ST6GALNAC2: variants seen among roughly 807,000 people sequenced by gnomAD.
ST6GALNAC2 encodes ST6 N-acetylgalactosaminide alpha-2,6-sialyltransferase 2.
In ST6GALNAC2, 42 loss-of-function variants were observed where a neutral mutation model predicts 38.7. The ratio of observed to expected loss-of-function variants is 1.09; its 90% CI spans 0.85 to 1.40. The LOEUF is 1.40. Ranked by LOEUF, ST6GALNAC2 falls within the 40% of genes most tolerant of loss-of-function variation. The probability of loss-of-function intolerance (pLI) is 0.00; values close to 1 mark genes in which losing one functional copy is unlikely to be tolerated. For missense variants in ST6GALNAC2, 506 were observed against 481.7 expected (o/e 1.05, Z -0.47); for synonymous variants, 233 against 209.0 (o/e 1.11, Z -0.99).
intron 7 of ST6GALNAC2, 55 bp downstream of exon 7, chr17:76,568,658 G>A (rs1353661600): frequency 8.3e-6 from 13 of 1,560,070 alleles, no homozygotes; most frequent in Non-Finnish European, 1.1e-5. Context: ...ATGTGGGTGG[G>A]TGTGTAAAAG....
intron 7 of ST6GALNAC2, 81 bp downstream of exon 7, chr17:76,568,632 C>G: frequency 7.1e-7 from 1 of 1,405,486 alleles, no homozygotes; most frequent in Non-Finnish European, 1.0e-6. Flanking sequence ...GGGGCTCGTG[C>G]GAGGGCGCTG....
intron 8 of ST6GALNAC2, among the ~76,000 whole-genome samples, chr17:76,566,511 A>G (rs1359916382): frequency 6.6e-6 from 1 of 152,096 alleles, no homozygotes; most frequent in Non-Finnish European, 1.5e-5. Flanking sequence ...GCAAAAGCCC[A>G]TTACTACTCT....
intron 2 of ST6GALNAC2, among the ~76,000 whole-genome samples, chr17:76,578,142 A>G (rs1567932993): frequency 6.6e-6 from 1 of 152,088 alleles, no homozygotes; most frequent in Admixed American, 6.5e-5. Context: ...GTATCGCGCA[A>G]TGGTTCTGAG....
At position 76,570,670 on chromosome 17, in the gene ST6GALNAC2, T is replaced by G; in HGVS notation, c.670-2A>C. On this transcript the variant is annotated splice_acceptor_variant, in intron 5 of 8. Coordinates refer to ENST00000225276, the MANE Select transcript of ST6GALNAC2 (RefSeq NM_006456.3). LOFTEE classifies it high-confidence loss of function. ...GGGGATGAAGATATACTGCAGGTCC[T>G]GTCAGAATAGAGACAATGAGCCCAG... 6.2e-7 allele frequency: 1 copy of G among 1,607,168 alleles called. No individual in the cohort carries two copies. Among genetic ancestry groups the G allele is most frequent in the South Asian group, 1.1e-5 (1 of 90,194 alleles).
intron 1 of ST6GALNAC2, among the ~76,000 whole-genome samples, chr17:76,582,645 G>T (rs527487906): frequency 6.6e-6 from 1 of 152,184 alleles, no homozygotes; most frequent in African/African-American, 2.4e-5. Context: ...ATGAGGAAAT[G>T]CCCAGACTGG....
chr17:76,582,600 T>C (rs11077835), intron 1 of ST6GALNAC2, among the ~76,000 whole-genome samples: 114,564 of 152,178 alleles, frequency 0.75, 43,438 homozygotes, highest in East Asian at 0.84. Flanking sequence ...TTAATAGAAA[T>C]GCCCATGTGG....
At position 76,573,394 on chromosome 17, in the gene ST6GALNAC2, G is replaced by T; in HGVS notation, c.362-31C>A. On this transcript the variant is annotated intron_variant, in intron 3 of 8. Transcript: ENST00000225276. The surrounding 1 kb of genome is among the most constrained non-coding windows in gnomAD (Gnocchi z 5.1). ...GGTGCAGATGGGGAGCAGCCATGAG[G>T]AGGGCTGGCATCGGGGGCACCTGGG... is the stretch of plus-strand genomic sequence containing the variant. 1 of 1,489,718 alleles carries T rather than the reference G, an allele frequency of 6.7e-7. No homozygotes were observed. The allele number at this position is 1,489,718 out of a possible 1,614,324, so 92.3% of individuals were successfully genotyped here. A position where few individuals can be genotyped will look rare whatever the true frequency, so the allele number is the denominator to read the frequency against.
At chr17:76,585,152 G>A (rs2075529815) in intron 1 of ST6GALNAC2, among the ~76,000 whole-genome samples, 1 of 152,208 alleles carries the variant, frequency 6.6e-6, no homozygotes, top group Non-Finnish European at 1.5e-5. Context: ...TCCAGACACG[G>A]CGAGCGGAAG....
chr17:76,568,876 C>T (rs761888807), intron 6 of ST6GALNAC2, 80 bp from the exon 7 acceptor site: 8 of 1,385,244 alleles, frequency 5.8e-6, no homozygotes, highest in Non-Finnish European at 6.1e-6. Context: ...GGTCAGGGCG[C>T]CGGAGTAGCC....
intron 6 of ST6GALNAC2, 114 bp downstream of exon 6, chr17:76,570,451 G>T: frequency 3.0e-6 from 2 of 676,264 alleles, no homozygotes; most frequent in African/African-American, 1.8e-5. Context: ...TGTTCTTACT[G>T]CCCTTCACCC....
intron 1 of ST6GALNAC2, among the ~76,000 whole-genome samples, chr17:76,580,090 G>T (rs1427281438): frequency 1.3e-5 from 2 of 152,110 alleles, no homozygotes; most frequent in Non-Finnish European, 2.9e-5. Context: ...TGTTAGGAGG[G>T]TTCAAACAGA....
At chr17:76,585,218 C>A (rs971445056) in intron 1 of ST6GALNAC2, among the ~76,000 whole-genome samples, 1 of 152,324 alleles carries the variant, frequency 6.6e-6, no homozygotes, top group East Asian at 1.9e-4. Context: ...GCGGGAAAGG[C>A]GACTGGCCGC....
At chr17:76,574,215 G>A (rs2075386521) in intron 3 of ST6GALNAC2, 150 bp downstream of exon 3, 2 of 920,566 alleles carry the variant, frequency 2.2e-6, no homozygotes, top group African/African-American at 1.7e-5. Flanking sequence ...TGAGGCAGGA[G>A]TTGCATAGCT....
chr17:76,570,743 C>G, intron 5 of ST6GALNAC2, 75 bp from the exon 6 acceptor site: 1 of 1,146,682 alleles, frequency 8.7e-7, no homozygotes, highest in Non-Finnish European at 1.3e-6. Flanking sequence ...AGCCCTCCAC[C>G]CAACCTTGCC....
chr17:76,569,505 G>A, intron 6 of ST6GALNAC2: 1 of 197,006 alleles, frequency 5.1e-6, no homozygotes, highest in East Asian at 9.7e-5. Context: ...TGGGAGGGTG[G>A]GAGGGGGGCC....
intron 1 of ST6GALNAC2, among the ~76,000 whole-genome samples, chr17:76,583,005 A>G (rs1263147751): frequency 6.6e-6 from 1 of 152,256 alleles, no homozygotes; most frequent in Non-Finnish European, 1.5e-5. Flanking sequence ...GTTGCATTAT[A>G]ATAGAAGTAT....
In ST6GALNAC2 at chr17:76,582,164, C is replaced by CT. The variant is rs71158025; in HGVS notation, c.126-3349dup. Among the ~76,000 whole-genome samples the CT allele has an allele frequency of 8.1e-3, 502 of 62,038 alleles. 2 individuals are homozygous for CT. The highest frequency in any genetic ancestry group is 0.011 in the African/African-American group (173 of 15,170). 40.7% of individuals were successfully genotyped at this position (62,038 alleles called of 152,430 possible). On this transcript the variant is annotated intron_variant, in intron 1 of 8. Coordinates refer to ENST00000225276, the MANE Select transcript of ST6GALNAC2 (RefSeq NM_006456.3). ...ACAAGCGTGAGCCACCGTGCCCAGC[C>CT]TTTTTTTTTTTTTTTTTTTTTTTTT...
At chr17:76,568,622 G>C in intron 7 of ST6GALNAC2, 91 bp downstream of exon 7, 1 of 1,243,646 alleles carries the variant, frequency 8.0e-7, no homozygotes, top group East Asian at 2.3e-5. Context: ...GTCAGTGCGT[G>C]GGGCTCGTGC....
intron 6 of ST6GALNAC2, chr17:76,569,239 TA>T (rs2075324293): frequency 4.6e-6 from 1 of 218,192 alleles, no homozygotes; most frequent in Non-Finnish European, 7.8e-6. Context: ...GCGGGGCACA[TA>T]GGGGGTGATA....
Sources: allele counts gnomAD v4.1 joint callset (sites outside exome capture counted in the v4.1 genomes callset), GRCh38; gene constraint gnomAD v4.1.1; non-coding constraint Gnocchi (gnomAD v3.1); transcripts MANE v1.5; gene names NCBI Gene and HGNC (gene_info 2026-07-23, HGNC 2026-07-21).